Variants in PKN2 observed in about 807,000 individuals in gnomAD.
The protein encoded by PKN2 is serine/threonine-protein kinase N2.
PKN2 carries 38 observed loss-of-function variants against 119.1 expected under a neutral mutation model. The ratio of observed to expected loss-of-function variants is 0.32; its 90% confidence interval spans 0.25 to 0.42. The LOEUF (loss-of-function observed/expected upper bound fraction) is 0.42, where lower values mean the gene tolerates loss of function less well. PKN2 is among the 10% of genes least tolerant of loss of function. PKN2 has a pLI of 1.00. For synonymous variants in PKN2, 390 were observed against 384.9 expected, an observed-to-expected ratio of 1.01 and a Z score of -0.15; for missense variants, 850 against 1,165.1, an observed-to-expected ratio of 0.73 and a Z score of 3.94.
At chr1:88,793,799 T>C (rs1394828939) in intron 8 of PKN2, among the ~76,000 whole-genome samples, 3 of 152,182 alleles carry the variant, frequency 2.0e-5, no homozygotes, top group Non-Finnish European at 4.4e-5. Context: ...AAATGCTATA[T>C]AAATTATTAT....
rs565639956 is a variant in PKN2, at chr1:88,802,623, G to T, written c.1282-1768G>T. Among the ~76,000 whole-genome samples the T allele has an allele frequency of 2.0e-5, 3 of 152,280 alleles. No individual in the cohort carries two copies. The South Asian group carries it at 6.2e-4, about 32-fold the overall frequency. On this transcript the variant is annotated intron_variant, in intron 8 of 21. Transcript: ENST00000370521. ...TTACAGGCATGAGCCACCTTGCCCA[G>T]CCTATAATGTACTTTAGTTTGAAGC...
intron 6 of PKN2, chr1:88,781,145 A>G (rs1670326032): frequency 7.8e-7 from 1 of 1,277,870 alleles, no homozygotes; most frequent in South Asian, 1.3e-5. Flanking sequence ...TGACGAAAAG[A>G]TGAACATGGA....
chr1:88,792,140 C>T (rs1670867039), intron 8 of PKN2, among the ~76,000 whole-genome samples: 1 of 152,198 alleles, frequency 6.6e-6, no homozygotes, highest in African/African-American at 2.4e-5. Context: ...TGCGTTGGCT[C>T]ACGCCTGTAA....
At chr1:88,790,708 T>G (rs536644963) in intron 8 of PKN2, among the ~76,000 whole-genome samples, 21 of 152,190 alleles carry the variant, frequency 1.4e-4, no homozygotes, top group Middle Eastern at 3.2e-3. Context: ...GTTTGAAAGC[T>G]TATTTGTTTC....
intron 1 of PKN2, among the ~76,000 whole-genome samples, chr1:88,707,769 G>C (rs923278385): frequency 1.3e-5 from 2 of 151,890 alleles, no homozygotes; most frequent in African/African-American, 4.8e-5. Flanking sequence ...TTCCATTCTG[G>C]ATCCATTTTC....
rs1672784229 is a variant in PKN2, at chr1:88,832,757, G to A, written c.2576G>A (p.Gly859Asp). The stretch of plus-strand genomic sequence containing the variant: ...TATTTCTTCTAGTCTCCCTTTCCTG[G>A]TGATGATGAAGAGGAAGTTTTTGAC... ...EMLVGESPFP[G>D]DDEEEVFDSI... The change falls in exon 20 of 22, where the codon GGT (glycine) becomes GAT (aspartate). Residue 859 changes from glycine (G) to aspartate (D), a missense_variant. This residue lies in a region of PKN2 where 95 missense variants were observed against 150.2 expected (regional missense o/e 0.63). Transcript: ENST00000370521. 4 of 1,591,934 alleles carry A rather than the reference G, an allele frequency of 2.5e-6. No homozygotes were observed. Among genetic ancestry groups the A allele is most frequent in the Non-Finnish European group, 3.4e-6 (4 of 1,165,226 alleles).
At chr1:88,761,062 C>T (rs1382311462) in intron 3 of PKN2, among the ~76,000 whole-genome samples, 1 of 152,088 alleles carries the variant, frequency 6.6e-6, no homozygotes, top group Non-Finnish European at 1.5e-5. Flanking sequence ...TAGACCTGTG[C>T]ATTCTTGGAG....
At chr1:88,812,324 C>T (rs1300416929) in intron 15 of PKN2, among the ~76,000 whole-genome samples, 1 of 152,112 alleles carries the variant, frequency 6.6e-6, no homozygotes, top group Non-Finnish European at 1.5e-5. Flanking sequence ...GTCAATGGGT[C>T]TCAAATGTTT....
intron 2 of PKN2, among the ~76,000 whole-genome samples, chr1:88,749,501 T>C (rs1012284088): frequency 1.3e-5 from 2 of 152,186 alleles, no homozygotes; most frequent in African/African-American, 4.8e-5. Flanking sequence ...GTATTAGTTA[T>C]AAAATATTTA....
chr1:88,798,616 A>C (rs1671186476), intron 8 of PKN2, among the ~76,000 whole-genome samples: 1 of 152,182 alleles, frequency 6.6e-6, no homozygotes, highest in African/African-American at 2.4e-5. Flanking sequence ...GAAGTTGCCC[A>C]GAATACAACA....
At chr1:88,720,435 C>T (rs948183200) in intron 1 of PKN2, among the ~76,000 whole-genome samples, 5 of 152,066 alleles carry the variant, frequency 3.3e-5, no homozygotes, top group South Asian at 4.1e-4. Context: ...CCAACCTGTC[C>T]GTCTCCATGT....
At chr1:88,820,883 C>A (rs1460887488) in intron 16 of PKN2, among the ~76,000 whole-genome samples, 1 of 152,138 alleles carries the variant, frequency 6.6e-6, no homozygotes, top group East Asian at 1.9e-4. Context: ...TTTATTTCCT[C>A]CTTGTTCAAT....
chr1:88,828,027 A>G (rs779700460), intron 18 of PKN2, among the ~76,000 whole-genome samples: 2 of 152,012 alleles, frequency 1.3e-5, no homozygotes, highest in African/African-American at 2.4e-5. Context: ...ACACGGCCCT[A>G]TCTCTCTGTA....
At chr1:88,715,269 A>G (rs1338000270) in intron 1 of PKN2, among the ~76,000 whole-genome samples, 1 of 152,134 alleles carries the variant, frequency 6.6e-6, no homozygotes, top group Non-Finnish European at 1.5e-5. Flanking sequence ...CTTTGCTATA[A>G]TGCTGGCCTC....
At chr1:88,809,983 A>G (rs1671714572) in intron 15 of PKN2, among the ~76,000 whole-genome samples, 1 of 152,176 alleles carries the variant, frequency 6.6e-6, no homozygotes, top group Non-Finnish European at 1.5e-5. Flanking sequence ...AAAAAGAGAG[A>G]AAAGAAAAAT....
chr1:88,702,789 T>G (rs1557549686), intron 1 of PKN2, among the ~76,000 whole-genome samples: 1 of 151,806 alleles, frequency 6.6e-6, no homozygotes, highest in East Asian at 1.9e-4. Flanking sequence ...AGTTGAAAAC[T>G]ATTTTTCTGT....
chr1:88,732,647 T>C (rs1369715128), intron 1 of PKN2, among the ~76,000 whole-genome samples: 2 of 152,170 alleles, frequency 1.3e-5, no homozygotes, highest in East Asian at 1.9e-4. Flanking sequence ...AATTATTGAA[T>C]TGACCATTCT....
intron 1 of PKN2, among the ~76,000 whole-genome samples, chr1:88,732,259 TAAAA>T (rs1380015351): frequency 6.6e-6 from 1 of 152,088 alleles, no homozygotes; most frequent in African/African-American, 2.4e-5. Flanking sequence ...TAGGCAAGGT[TAAAA>T]AAAGAAGTGG....
At chr1:88,762,502 T>C (rs1352114462) in intron 3 of PKN2, among the ~76,000 whole-genome samples, 1 of 152,192 alleles carries the variant, frequency 6.6e-6, no homozygotes, top group Non-Finnish European at 1.5e-5. Flanking sequence ...GGGAAAATTA[T>C]AAATTGAAAT....
Sources: allele counts gnomAD v4.1 joint callset (sites outside exome capture counted in the v4.1 genomes callset), GRCh38; gene constraint gnomAD v4.1.1; regional missense constraint gnomAD v4.1.1; transcripts MANE v1.5; gene names NCBI Gene and HGNC (gene_info 2026-07-23, HGNC 2026-07-21).